The following SHISA9 variants were observed in gnomAD, a reference collection of about 807,000 sequenced individuals.
The protein encoded by SHISA9 is protein shisa-9.
In SHISA9, 13 loss-of-function variants were observed where a neutral mutation model predicts 38.0. The observed-to-expected ratio is 0.34, with a 90% CI of 0.22 to 0.54. The LOEUF is 0.54. SHISA9 is among the 20% of genes least tolerant of loss of function. The pLI, the probability that SHISA9 is intolerant of heterozygous loss-of-function variation, is 0.91. For missense variants in SHISA9, 538 were observed against 575.8 expected, an observed-to-expected ratio of 0.93 and a Z score of 0.67; for synonymous variants, 275 against 242.0, an observed-to-expected ratio of 1.14 and a Z score of -1.27.
downstream of SHISA9, among the ~76,000 whole-genome samples, chr16:13,244,190 A>G (rs1003980438): frequency 6.6e-6 from 1 of 152,228 alleles, no homozygotes; most frequent in African/African-American, 2.4e-5. Flanking sequence ...TTAAATGCAT[A>G]AAATAAAATA....
the SHISA9 span, among the ~76,000 whole-genome samples, chr16:13,398,213 A>G: frequency 4.6e-5 from 7 of 152,194 alleles, no homozygotes; most frequent in Admixed American, 4.6e-4. Context: ...TGGGCAGGAA[A>G]ACAGAAATAC....
the SHISA9 span, among the ~76,000 whole-genome samples, chr16:13,378,838 T>C: frequency 6.6e-6 from 1 of 152,290 alleles, no homozygotes; most frequent in East Asian, 1.9e-4. Context: ...AATTACCTAG[T>C]TTGGGGGTTG....
chr16:13,222,713 C>A (rs1460448354), intron 4 of SHISA9, among the ~76,000 whole-genome samples: 1 of 151,966 alleles, frequency 6.6e-6, no homozygotes, highest in African/African-American at 2.4e-5. Flanking sequence ...ATGTACCATG[C>A]ACTATGCATA....
intron 4 of SHISA9, among the ~76,000 whole-genome samples, chr16:13,220,139 A>C (rs1193048896): frequency 6.6e-6 from 1 of 152,210 alleles, no homozygotes; most frequent in Non-Finnish European, 1.5e-5. Context: ...ATTTATTTAG[A>C]TCAGGAGTCT....
At chr16:12,974,041 C>CAAGA (rs2141815165) in intron 2 of SHISA9, among the ~76,000 whole-genome samples, 1 of 152,254 alleles carries the variant, frequency 6.6e-6, no homozygotes, top group South Asian at 2.1e-4. Context: ...TCAAGGGTCT[C>CAAGA]CAGCACTGCC....
intron 2 of SHISA9, among the ~76,000 whole-genome samples, chr16:13,111,480 G>C (rs1596654583): frequency 2.0e-5 from 3 of 152,106 alleles, no homozygotes; most frequent in South Asian, 2.1e-4. Flanking sequence ...TCTGTGCCTT[G>C]GTTTTCTCAT....
At chr16:13,367,710 GCGCACACA>G in the SHISA9 span, among the ~76,000 whole-genome samples, 43 of 90,576 alleles carry the variant, frequency 4.7e-4, no homozygotes, top group African/African-American at 8.3e-4. Context: ...GCGCGCGCGC[GCGCACACA>G]CACACACACA....
At chr16:13,136,259 G>A (rs2050347040) in intron 2 of SHISA9, among the ~76,000 whole-genome samples, 1 of 151,940 alleles carries the variant, frequency 6.6e-6, no homozygotes, top group Admixed American at 6.6e-5. Flanking sequence ...TACCCTATAA[G>A]GTAGTCTGAG....
intron 2 of SHISA9, among the ~76,000 whole-genome samples, chr16:12,976,442 T>C (rs1436969431): frequency 1.3e-5 from 2 of 152,132 alleles, no homozygotes; most frequent in African/African-American, 2.4e-5. Context: ...TTCTGTTCTT[T>C]TGAGCCATTG....
intron 1 of SHISA9, chr16:12,908,391 G>A: frequency 1.3e-6 from 2 of 1,525,674 alleles, no homozygotes; most frequent in Non-Finnish European, 1.8e-6. Flanking sequence ...CCTAAGTGGT[G>A]TTGAAAAATC....
the SHISA9 span, among the ~76,000 whole-genome samples, chr16:13,433,243 A>G: frequency 2.6e-4 from 39 of 152,360 alleles, no homozygotes; most frequent in South Asian, 6.4e-3. Context: ...TAAGCCTCCA[A>G]TTAAACTTCA....
At chr16:13,442,611 T>C in the SHISA9 span, among the ~76,000 whole-genome samples, 7 of 152,064 alleles carry the variant, frequency 4.6e-5, no homozygotes, top group African/African-American at 1.7e-4. Flanking sequence ...AGCAAACAAA[T>C]TCATTTAAAA....
At chr16:12,962,119 G>A (rs963559188) in intron 2 of SHISA9, among the ~76,000 whole-genome samples, 9 of 152,224 alleles carry the variant, frequency 5.9e-5, no homozygotes, top group South Asian at 2.1e-4. Flanking sequence ...CAGTCGATGC[G>A]AAGGCACTGC....
At chr16:13,011,458 T>C (rs946130322) in intron 2 of SHISA9, among the ~76,000 whole-genome samples, 8 of 152,086 alleles carry the variant, frequency 5.3e-5, no homozygotes. Context: ...CTATTTTGTG[T>C]CCTTTACCCA....
intron 2 of SHISA9, among the ~76,000 whole-genome samples, chr16:13,167,767 A>G (rs766774740): frequency 1.2e-4 from 19 of 152,104 alleles, no homozygotes; most frequent in Non-Finnish European, 2.2e-4. Context: ...AGGCCTCCCC[A>G]GCCATTCTTC....
intron 2 of SHISA9, among the ~76,000 whole-genome samples, chr16:13,064,784 CA>C (rs72435637): frequency 0.024 from 1,986 of 82,320 alleles, 18 homozygotes; most frequent in African/African-American, 0.052. Flanking sequence ...AGTTGTAAGG[CA>C]AAAAAAAAAA....
chr16:13,013,699 G>A (rs1053805264), intron 2 of SHISA9, among the ~76,000 whole-genome samples: 1 of 152,154 alleles, frequency 6.6e-6, no homozygotes, highest in African/African-American at 2.4e-5. Flanking sequence ...AGATCTAGAG[G>A]TTAATGTGGT....
At chr16:13,492,572 C>T in the SHISA9 span, among the ~76,000 whole-genome samples, 1 of 152,076 alleles carries the variant, frequency 6.6e-6, no homozygotes, top group Non-Finnish European at 1.5e-5. Context: ...CTGTCGGCTG[C>T]CAAAAGCATG....
the SHISA9 span, among the ~76,000 whole-genome samples, chr16:13,350,790 C>T: frequency 6.6e-6 from 1 of 152,188 alleles, no homozygotes; most frequent in African/African-American, 2.4e-5. Context: ...GGTATTAATT[C>T]TGAATGGCTT....
Sources: gnomAD v4.1 joint callset for allele counts (sites outside exome capture counted in the v4.1 genomes callset) on GRCh38, gnomAD v4.1.1 for gene constraint, MANE v1.5 for transcripts, NCBI Gene and HGNC (gene_info 2026-07-23, HGNC 2026-07-21) for gene names.